Variants in S100PBP observed in about 807,000 individuals in gnomAD.
S100PBP encodes the protein S100P binding protein, also known as S100P-binding protein.
Under a neutral mutation model 39.9 loss-of-function variants are expected in S100PBP, and 15 were observed. That is an observed-to-expected ratio of 0.38 (90% CI 0.25 to 0.58). The LOEUF (loss-of-function observed/expected upper bound fraction) is 0.58. Among genes scored for constraint, S100PBP ranks in the 20% least tolerant of loss-of-function variants. S100PBP has a pLI of 0.70. For missense variants in S100PBP, 504 were observed against 487.3 expected (o/e 1.03, Z -0.32); for synonymous variants, 178 against 180.3 (o/e 0.99, Z 0.10).
Position 32,826,337 on chromosome 1 carries a change from CA to C in S100PBP, c.239del (p.His80LeufsTer28). On this transcript the variant is annotated frameshift_variant, in exon 3 of 7. Transcript: ENST00000373475. LOFTEE classifies it high-confidence loss of function. Reference sequence around the variant, plus strand: ...GTCTTCTGGGGAAGATGATGGTGGGCATGTTGAGAAGGGAGAAAGAGGGAGT... The same window carrying C: ...GTCTTCTGGGGAAGATGATGGTGGGCTGTTGAGAAGGGAGAAAGAGGGAGT... ...EQSSGEDDGG[H>X]VEKGERGSQI... 6.2e-7 allele frequency: 1 copy of C among 1,613,980 alleles called. No homozygotes were observed. Among genetic ancestry groups the C allele is most frequent in the Non-Finnish European group, 8.5e-7 (1 of 1,179,940 alleles).
intron 5 of S100PBP, among the ~76,000 whole-genome samples, chr1:32,831,894 C>T (rs1639615500): frequency 6.6e-6 from 1 of 152,074 alleles, no homozygotes; most frequent in African/African-American, 2.4e-5. Flanking sequence ...AATAAAATTT[C>T]CCAAGAAAAG....
At chr1:32,829,581 G>A (rs140588133) in intron 4 of S100PBP, among the ~76,000 whole-genome samples, 70 of 152,188 alleles carry the variant, frequency 4.6e-4, no homozygotes, top group African/African-American at 1.5e-3. Flanking sequence ...TCCCTCCTCA[G>A]CCTCCTGAGT....
At chr1:32,845,087 C>T (rs566258726) in intron 5 of S100PBP, among the ~76,000 whole-genome samples, 9 of 146,784 alleles carry the variant, frequency 6.1e-5, no homozygotes, top group East Asian at 6.1e-4. Context: ...TGCAGTGGCG[C>T]GATCTTGGCT....
In S100PBP at chr1:32,848,937, T is replaced by G. The variant is rs113722317; in HGVS notation, c.1025-4142T>G. ...CTTAAAATAAACCCATGGTACTGAT[T>G]GTTGGTCCAAGAAAGCCCATCTGTT... On this transcript the variant is annotated intron_variant, in intron 5 of 6. Coordinates refer to ENST00000373475, the MANE Select transcript of S100PBP (RefSeq NM_022753.4). Among the ~76,000 whole-genome samples the G allele has an allele frequency of 3.3e-5, 5 of 152,176 alleles. No individual in the cohort carries two copies. The South Asian group carries it at 1.0e-3, about 31-fold the overall frequency.
intron 6 of S100PBP, among the ~76,000 whole-genome samples, chr1:32,853,766 G>A (rs1557517601): frequency 6.6e-6 from 1 of 152,044 alleles, no homozygotes; most frequent in South Asian, 2.1e-4. Context: ...GCATGGTGGT[G>A]TGTGTCTGTA....
intron 5 of S100PBP, among the ~76,000 whole-genome samples, chr1:32,844,567 CCTT>C (rs1266078087): frequency 6.6e-6 from 1 of 152,036 alleles, no homozygotes; most frequent in Non-Finnish European, 1.5e-5. Flanking sequence ...GCCTCTACCT[CCTT>C]AGCTCAAGTA....
chr1:32,857,897 C>T lies in S100PBP; in HGVS notation c.*1859C>T, dbSNP rs1640883542. On this transcript the variant is annotated 3_prime_UTR_variant, in exon 7 of 7. Coordinates refer to ENST00000373475, the MANE Select transcript of S100PBP (RefSeq NM_022753.4). ...TTTATCCAGTCAAGGATTTGCTTTT[C>T]CTTGAACATTTGTTTTAAATTCTGG... is the stretch of plus-strand genomic sequence containing the variant. 1 of 152,184 alleles carries T rather than the reference C, an allele frequency of 6.6e-6. No individual in the cohort carries two copies. The highest frequency in any genetic ancestry group is 1.5e-5 in the Non-Finnish European group (1 of 68,032). 9.4% of individuals were successfully genotyped at this position (152,184 alleles called of 1,614,324 possible).
rs1286836955 is a variant in S100PBP, at chr1:32,858,697, T to C, written c.*2659T>C. On this transcript the variant is annotated 3_prime_UTR_variant, in exon 7 of 7. Transcript: ENST00000373475. ...GAGTAAAAATATGCTGTTTACATTG[T>C]TTACTTACAAGTAAGGAGCCTGAAA... is the stretch of plus-strand genomic sequence containing the variant. 1 of 152,214 alleles carries C rather than the reference T, an allele frequency of 6.6e-6. No homozygotes were observed. The highest frequency in any genetic ancestry group is 2.4e-5 in the African/African-American group (1 of 41,458). The allele number at this position is 152,214 out of a possible 1,614,324, so 9.4% of individuals were successfully genotyped here.
Position 32,857,945 on chromosome 1 carries a change from T to C in S100PBP, c.*1907T>C, listed in dbSNP as rs909543481. 1 of 152,236 alleles carries C rather than the reference T, an allele frequency of 6.6e-6. No homozygotes were observed. Among genetic ancestry groups the C allele is most frequent in the Non-Finnish European group, 1.5e-5 (1 of 68,042 alleles). The allele number at this position is 152,236 out of a possible 1,614,324, so 9.4% of individuals were successfully genotyped here. A position where few individuals can be genotyped will look rare whatever the true frequency, so the allele number is the denominator to read the frequency against. On this transcript the variant is annotated 3_prime_UTR_variant, in exon 7 of 7. Transcript: ENST00000373475. ...TGGGGCCAAAATGCAAAGGAGAAGTTCTATTCAAAGGCAGTAGTTGAAATC... is the reference window on the plus strand; with the variant it reads ...TGGGGCCAAAATGCAAAGGAGAAGTCCTATTCAAAGGCAGTAGTTGAAATC...
intron 1 of S100PBP, among the ~76,000 whole-genome samples, chr1:32,822,280 A>G (rs1382156973): frequency 6.6e-6 from 1 of 152,096 alleles, no homozygotes; most frequent in Non-Finnish European, 1.5e-5. Context: ...TATGTTACTT[A>G]TGTATATGTT....
intron 5 of S100PBP, among the ~76,000 whole-genome samples, chr1:32,838,099 T>C (rs1639913906): frequency 6.6e-6 from 1 of 151,990 alleles, no homozygotes; most frequent in African/African-American, 2.4e-5. Context: ...CCCAGCACTT[T>C]TGGAGGCCGA....
intron 5 of S100PBP, among the ~76,000 whole-genome samples, chr1:32,841,176 A>T (rs1029501502): frequency 1.3e-5 from 2 of 150,664 alleles, no homozygotes; most frequent in African/African-American, 2.4e-5. Flanking sequence ...AAAAAAAAAT[A>T]AAAAAAATTG....
At chr1:32,818,205 T>G (rs1041381529) in intron 1 of S100PBP, 3 of 152,100 alleles carry the variant, frequency 2.0e-5, no homozygotes, top group African/African-American at 4.8e-5. Context: ...GGGAGAAAAC[T>G]CTCGCTTCTC....
chr1:32,830,150 G>A (rs991405871), intron 5 of S100PBP, 83 bp downstream of exon 5: 7 of 856,626 alleles, frequency 8.2e-6, no homozygotes, highest in Non-Finnish European at 1.3e-5. Flanking sequence ...CTGGGAGATT[G>A]TTTAGAATTT....
intron 5 of S100PBP, among the ~76,000 whole-genome samples, chr1:32,839,372 A>G (rs766839481): frequency 6.6e-6 from 1 of 152,204 alleles, no homozygotes; most frequent in Non-Finnish European, 1.5e-5. Flanking sequence ...TTGATTATCC[A>G]TTTATATATC....
chr1:32,833,638 A>G (rs559524945), intron 5 of S100PBP, among the ~76,000 whole-genome samples: 13 of 152,194 alleles, frequency 8.5e-5, no homozygotes, highest in Non-Finnish European at 1.5e-4. Flanking sequence ...CTGGGATTAC[A>G]GGCGTGAGAC....
chr1:32,842,626 ACT>A (rs1325121925), intron 5 of S100PBP, among the ~76,000 whole-genome samples: 2 of 151,782 alleles, frequency 1.3e-5, no homozygotes, highest in African/African-American at 2.4e-5. Flanking sequence ...ATGGAGTCTC[ACT>A]CTGTTGCCTA....
intron 6 of S100PBP, among the ~76,000 whole-genome samples, chr1:32,855,130 C>T (rs534976791): frequency 6.6e-6 from 1 of 152,288 alleles, no homozygotes; most frequent in East Asian, 1.9e-4. Context: ...GGCGACTACT[C>T]ATAATTACCT....
At chr1:32,821,541 C>G (rs984429560) in intron 1 of S100PBP, among the ~76,000 whole-genome samples, 1 of 151,850 alleles carries the variant, frequency 6.6e-6, no homozygotes, top group Non-Finnish European at 1.5e-5. Flanking sequence ...CAGATGGTCT[C>G]GAACTCCTGA....
Sources: allele counts gnomAD v4.1 joint callset (sites outside exome capture counted in the v4.1 genomes callset), GRCh38; gene constraint gnomAD v4.1.1; transcripts MANE v1.5; gene names NCBI Gene and HGNC (gene_info 2026-07-23, HGNC 2026-07-21).